STRN: variants seen among roughly 807,000 people sequenced by gnomAD.
The protein encoded by STRN is striatin, also known as protein phosphatase 2 regulatory subunit B'''alpha.
STRN carries 53 observed loss-of-function variants against 96.3 expected under a neutral mutation model. The observed-to-expected ratio is 0.55, with a 90% CI of 0.44 to 0.69. STRN has a LOEUF of 0.69. STRN is among the 30% of genes least tolerant of loss of function. The pLI is 0.00. For missense variants in STRN, 987 were observed against 963.9 expected, an observed-to-expected ratio of 1.02 and a Z score of -0.32; for synonymous variants, 428 against 355.9, an observed-to-expected ratio of 1.20 and a Z score of -2.28.
chr2:36,966,203 A>T, intron 1 of STRN, 27 bp downstream of exon 1: 1 of 1,521,648 alleles, frequency 6.6e-7, no homozygotes, highest in South Asian at 1.2e-5. Flanking sequence ...GGCGGGATGA[A>T]GACGGCCAGG....
intron 2 of STRN, among the ~76,000 whole-genome samples, chr2:36,918,679 T>C (rs997800233): frequency 2.0e-5 from 3 of 152,212 alleles, no homozygotes; most frequent in African/African-American, 4.8e-5. Flanking sequence ...TCACAAGCTA[T>C]GGTCCCTTAA....
rs181510501 is a variant in STRN at position 36,895,243 on chromosome 2, C to T, written c.796-1210G>A. 2.5e-3 allele frequency among the ~76,000 whole-genome samples: 382 copies of T among 151,634 alleles called. 2 individuals carry two copies. The highest frequency in any genetic ancestry group is 4.2e-3 in the Non-Finnish European group (284 of 67,942). ...TCGGGAGGCTGAGGCAGAAGAATGG[C>T]GTGAACCTGGGAGGCAGAGCTTGCA... On this transcript the variant is annotated intron_variant, in intron 6 of 17. Transcript: ENST00000263918.
chr2:36,926,566 T>G (rs1670416475), intron 1 of STRN, among the ~76,000 whole-genome samples: 1 of 152,186 alleles, frequency 6.6e-6, no homozygotes, highest in African/African-American at 2.4e-5. Flanking sequence ...TTAATTCTCA[T>G]TCAAGCTTAG....
rs1390713904 is a variant in STRN at position 36,841,309 on chromosome 2, A to T, written c.*8147T>A. 6.6e-6 allele frequency: 1 copy of T among 152,186 alleles called. No homozygotes were observed. The highest frequency in any genetic ancestry group is 2.4e-5 in the African/African-American group (1 of 41,444). The allele number at this position is 152,186 out of a possible 1,614,324, so 9.4% of individuals were successfully genotyped here. ...CCTTCTGACCCTGAGATATACAAGG[A>T]AACTGAACAAATACCAGGCAGCAAA... On this transcript the variant is annotated 3_prime_UTR_variant, in exon 18 of 18. Transcript: ENST00000263918.
intron 7 of STRN, 133 bp from the exon 8 acceptor site, chr2:36,886,959 T>TTA: frequency 1.7e-6 from 1 of 590,362 alleles, no homozygotes. Context: ...TTTATTCATT[T>TTA]TATATATATA....
chr2:36,951,253 T>C (rs1211257740), intron 1 of STRN, among the ~76,000 whole-genome samples: 3 of 152,204 alleles, frequency 2.0e-5, no homozygotes, highest in African/African-American at 7.2e-5. Flanking sequence ...GACAACACTA[T>C]ACTCACAACT....
intron 1 of STRN, 115 bp downstream of exon 1, chr2:36,966,115 G>T (rs1665153060): frequency 2.4e-6 from 3 of 1,237,890 alleles, no homozygotes; most frequent in East Asian, 3.2e-5. Flanking sequence ...TGGGATGGGC[G>T]GCAGCAAAGG....
chr2:36,908,146 T>C (rs1669871039), intron 3 of STRN, among the ~76,000 whole-genome samples: 1 of 152,206 alleles, frequency 6.6e-6, no homozygotes, highest in African/African-American at 2.4e-5. Flanking sequence ...GTGAATAACC[T>C]GTACTTGCCA....
chr2:36,872,376 G>A (rs1668784232), intron 10 of STRN, among the ~76,000 whole-genome samples: 1 of 152,190 alleles, frequency 6.6e-6, no homozygotes, highest in African/African-American at 2.4e-5. Context: ...CACAGGAAGA[G>A]CTTGAAAGCA....
chr2:36,855,735 A>G (rs1233870519), intron 14 of STRN, among the ~76,000 whole-genome samples: 1 of 152,220 alleles, frequency 6.6e-6, no homozygotes, highest in Non-Finnish European at 1.5e-5. Flanking sequence ...TAGGGATGTT[A>G]GCTCATCAAA....
At chr2:36,895,682 T>C (rs1572655911) in intron 6 of STRN, among the ~76,000 whole-genome samples, 1 of 149,246 alleles carries the variant, frequency 6.7e-6, no homozygotes, top group African/African-American at 2.5e-5. Flanking sequence ...GAGGCCGAGA[T>C]GGGTGGATCA....
intron 1 of STRN, among the ~76,000 whole-genome samples, chr2:36,961,474 C>G (rs1447458595): frequency 6.6e-6 from 1 of 151,992 alleles, no homozygotes; most frequent in Non-Finnish European, 1.5e-5. Context: ...TTCTCAAACC[C>G]CACATTCTAT....
chr2:36,847,395 T>A lies in STRN; in HGVS notation c.*2061A>T, dbSNP rs1668107616. ...AAGTAATGGCATCTTCCTTCCTTCC[T>A]TCCTGGAAGGAATTTTCCAGTATCC... On this transcript the variant is annotated 3_prime_UTR_variant, in exon 18 of 18. Transcript: ENST00000263918. The A allele has an allele frequency of 6.6e-6, 1 of 152,166 alleles. No individual in the cohort carries two copies. The highest frequency in any genetic ancestry group is 2.4e-5 in the African/African-American group (1 of 41,450). 9.4% of individuals were successfully genotyped at this position (152,166 alleles called of 1,614,324 possible).
Position 36,886,946 on chromosome 2 carries a change from C to T in STRN, c.932-120G>A, listed in dbSNP as rs1669248316. The T allele has an allele frequency of 4.5e-6, 3 of 664,072 alleles. No homozygotes were observed. The Admixed American group carries it at 9.6e-5, about 21-fold the overall frequency. 41.1% of individuals were successfully genotyped at this position (664,072 alleles called of 1,614,324 possible). A position where few individuals can be genotyped will look rare whatever the true frequency, so the allele number is the denominator to read the frequency against. On this transcript the variant is annotated intron_variant, in intron 7 of 17. Coordinates refer to ENST00000263918, the MANE Select transcript of STRN (RefSeq NM_003162.4). ...ATAGTATCACTAACTTAAAAAAAGT[C>T]AGTTTATTCATTTTATATATATAAG...
intron 8 of STRN, among the ~76,000 whole-genome samples, chr2:36,886,227 A>T (rs1669222638): frequency 6.6e-6 from 1 of 152,170 alleles, no homozygotes; most frequent in Non-Finnish European, 1.5e-5. Flanking sequence ...TGCCCTGTAT[A>T]GCATATAGTG....
chr2:36,902,398 T>C (rs1418309314), intron 5 of STRN, among the ~76,000 whole-genome samples, 186 bp downstream of exon 5: 1 of 152,186 alleles, frequency 6.6e-6, no homozygotes, highest in Non-Finnish European at 1.5e-5. Flanking sequence ...ATAATATTCT[T>C]GAATTAAAAT....
At chr2:36,877,552 T>C (rs1044022905) in intron 10 of STRN, among the ~76,000 whole-genome samples, 1 of 152,268 alleles carries the variant, frequency 6.6e-6, no homozygotes, top group Non-Finnish European at 1.5e-5. Flanking sequence ...TTTTACTTTT[T>C]TGAGACGGAG....
At chr2:36,873,057 C>G (rs1477386698) in intron 10 of STRN, among the ~76,000 whole-genome samples, 1 of 37,226 alleles carries the variant, frequency 2.7e-5, no homozygotes, top group Non-Finnish European at 2.0e-4. Context: ...CCTGCCACGA[C>G]AGTGGGGCTC....
rs1322643679 is a variant in STRN, at chr2:36,905,494, G to C, written c.491+46C>G. 4 of 1,532,234 alleles carry C rather than the reference G, an allele frequency of 2.6e-6. No individual in the cohort carries two copies. In the South Asian group the frequency reaches 4.5e-5, roughly 17 times the overall value. The allele number at this position is 1,532,234 out of a possible 1,614,324, so 94.9% of individuals were successfully genotyped here. A position where few individuals can be genotyped will look rare whatever the true frequency, so the allele number is the denominator to read the frequency against. ...ACAGTAAAAATAACTTCATAAAACT[G>C]TTTCTTGTCTTCAGCCATTTATAAG... On this transcript the variant is annotated intron_variant, in intron 4 of 17. Coordinates refer to ENST00000263918, the MANE Select transcript of STRN (RefSeq NM_003162.4).
Sources: gnomAD v4.1 joint callset for allele counts (sites outside exome capture counted in the v4.1 genomes callset) on GRCh38, gnomAD v4.1.1 for gene constraint, MANE v1.5 for transcripts, NCBI Gene and HGNC (gene_info 2026-07-23, HGNC 2026-07-21) for gene names.